Variants in TBC1D32 observed in about 807,000 individuals in gnomAD.
TBC1D32 encodes the protein protein broad-minded.
Under a neutral mutation model 170.3 loss-of-function variants are expected in TBC1D32, and 151 were observed. The ratio of observed to expected loss-of-function variants is 0.89; its 90% CI spans 0.78 to 1.01. The LOEUF is 1.01. Ranked by LOEUF, TBC1D32 falls within the 50% of genes least tolerant of loss-of-function variation. The probability of loss-of-function intolerance (pLI) is 0.00; values close to 1 mark genes in which losing one functional copy is unlikely to be tolerated. For missense variants in TBC1D32, 1,464 were observed against 1,457.1 expected, an observed-to-expected ratio of 1.00 and a Z score of -0.08; for synonymous variants, 498 against 488.0, an observed-to-expected ratio of 1.02 and a Z score of -0.27.
intron 10 of TBC1D32, among the ~76,000 whole-genome samples, chr6:121,297,206 G>A (rs1025138206): frequency 2.0e-5 from 3 of 152,038 alleles, no homozygotes; most frequent in Non-Finnish European, 4.4e-5. Flanking sequence ...GTCAAGTTGA[G>A]AGTATAATGA....
intron 15 of TBC1D32, among the ~76,000 whole-genome samples, chr6:121,276,527 G>A (rs1041329416): frequency 6.6e-6 from 1 of 151,770 alleles, no homozygotes; most frequent in Non-Finnish European, 1.5e-5. Flanking sequence ...CAAAAAAAGG[G>A]CAAAAAATAC....
At chr6:121,153,661 G>A (rs965253545) in intron 24 of TBC1D32, among the ~76,000 whole-genome samples, 3 of 152,128 alleles carry the variant, frequency 2.0e-5, no homozygotes, top group Non-Finnish European at 4.4e-5. Context: ...CCTGACTGGG[G>A]CTGCTGCCTT....
intron 24 of TBC1D32, among the ~76,000 whole-genome samples, chr6:121,152,933 A>C (rs1177464953): frequency 6.6e-6 from 1 of 152,074 alleles, no homozygotes; most frequent in African/African-American, 2.4e-5. Flanking sequence ...GCTTACTTGC[A>C]TTGGATTAGA....
intron 22 of TBC1D32, among the ~76,000 whole-genome samples, chr6:121,171,912 T>C (rs1385443835): frequency 6.6e-6 from 1 of 152,026 alleles, no homozygotes; most frequent in African/African-American, 2.4e-5. Context: ...AAACCAATCT[T>C]CCAGTAACAC....
rs539263123 is a variant in TBC1D32 at position 121,153,248 on chromosome 6, C to T, written c.2773+6762G>A. On this transcript the variant is annotated intron_variant, in intron 24 of 31. Coordinates refer to ENST00000398212, the MANE Select transcript of TBC1D32 (RefSeq NM_152730.6). ...TTTGTTAGTTTTCCTTCTAACAGAC[C>T]CCTCTTCTGCACATCTGCTGGAGTT... Among the ~76,000 whole-genome samples, 23 of 152,126 alleles carry T rather than the reference C, an allele frequency of 1.5e-4. No homozygotes were observed. The South Asian group carries it at 4.8e-3, about 32-fold the overall frequency.
chr6:121,300,141 T>G (rs1475453134), intron 9 of TBC1D32, among the ~76,000 whole-genome samples: 2 of 152,140 alleles, frequency 1.3e-5, no homozygotes, highest in East Asian at 3.9e-4. Context: ...TTTCTTCATT[T>G]CACTTAGGAA....
At chr6:121,278,451 A>G (rs1441775118) in intron 15 of TBC1D32, among the ~76,000 whole-genome samples, 3 of 152,144 alleles carry the variant, frequency 2.0e-5, no homozygotes, top group Non-Finnish European at 4.4e-5. Flanking sequence ...TTGAACATCA[A>G]TTAATGTAAT....
intron 20 of TBC1D32, among the ~76,000 whole-genome samples, chr6:121,238,484 T>C (rs1796579001): frequency 1.3e-5 from 2 of 152,130 alleles, no homozygotes; most frequent in Non-Finnish European, 1.5e-5. Context: ...ATCTTTTGAA[T>C]AAAAATTGTC....
At chr6:121,180,545 T>C (rs1788374449) in intron 22 of TBC1D32, among the ~76,000 whole-genome samples, 1 of 152,092 alleles carries the variant, frequency 6.6e-6, no homozygotes, top group Non-Finnish European at 1.5e-5. Context: ...AATATTCATA[T>C]GTAGAAGAAT....
Position 121,113,148 on chromosome 6 carries a change from T to A in TBC1D32, c.3083A>T (p.Asp1028Val), listed in dbSNP as rs1368629911. Reference sequence around the variant, plus strand: ...CCAGGTAAGATCATTTTCTGCACCATCTTTTAAGAGACTGAGGAATTTGCC... The same window carrying A: ...CCAGGTAAGATCATTTTCTGCACCAACTTTTAAGAGACTGAGGAATTTGCC... ...RYGKFLSLLK[D>V]GAENDLTWVL... The change falls in exon 28 of 32, where the codon GAT (aspartate) becomes GTT (valine). Residue 1028 changes from aspartate to valine, a missense_variant. By Grantham distance (152) the Asp-to-Val change is radical. Coordinates refer to ENST00000398212, the MANE Select transcript of TBC1D32 (RefSeq NM_152730.6). 6.2e-7 allele frequency: 1 copy of A among 1,610,826 alleles called. No homozygotes were observed. The highest frequency in any genetic ancestry group is 8.5e-7 in the Non-Finnish European group (1 of 1,178,850).
intron 4 of TBC1D32, among the ~76,000 whole-genome samples, chr6:121,308,686 CT>C (rs67847088): frequency 8.9e-6 from 1 of 112,540 alleles, no homozygotes; most frequent in African/African-American, 3.9e-5. Context: ...AAGCTTACTT[CT>C]TTTTTTTTTT....
At chr6:121,098,817 A>G (rs1777705469) in intron 30 of TBC1D32, among the ~76,000 whole-genome samples, 1 of 151,996 alleles carries the variant, frequency 6.6e-6, no homozygotes, top group Non-Finnish European at 1.5e-5. Flanking sequence ...CCATTTGGAC[A>G]TATATTAAAG....
intron 20 of TBC1D32, among the ~76,000 whole-genome samples, chr6:121,226,473 T>C (rs1795082162): frequency 6.6e-6 from 1 of 152,000 alleles, no homozygotes; most frequent in Admixed American, 6.6e-5. Flanking sequence ...AGAAAAGTAG[T>C]GGGAATTAAA....
Position 121,080,104 on chromosome 6 carries a change from T to G in TBC1D32, c.*667A>C, listed in dbSNP as rs1775497008. On this transcript the variant is annotated 3_prime_UTR_variant, in exon 32 of 32. Coordinates refer to ENST00000398212, the MANE Select transcript of TBC1D32 (RefSeq NM_152730.6). Reference sequence around the variant, plus strand: ...GAAGAAATACTGTCTTTTCCTTGTCTTATGGGCTTTCTGCAGCTAGTCAAA... The same window carrying G: ...GAAGAAATACTGTCTTTTCCTTGTCGTATGGGCTTTCTGCAGCTAGTCAAA... 1 of 152,488 alleles carries G rather than the reference T, an allele frequency of 6.6e-6. No individual in the cohort carries two copies. The highest frequency in any genetic ancestry group is 1.5e-5 in the Non-Finnish European group (1 of 68,218). 9.4% of individuals were successfully genotyped at this position (152,488 alleles called of 1,614,324 possible).
At chr6:121,211,972 A>G (rs530622066) in intron 21 of TBC1D32, among the ~76,000 whole-genome samples, 7 of 139,706 alleles carry the variant, frequency 5.0e-5, no homozygotes, top group Admixed American at 4.4e-4. Flanking sequence ...TCTGCTGAAT[A>G]AATAAATGAA....
chr6:121,087,056 G>T (rs973852272), intron 31 of TBC1D32, among the ~76,000 whole-genome samples: 2 of 152,142 alleles, frequency 1.3e-5, no homozygotes, highest in Non-Finnish European at 2.9e-5. Context: ...TTCAGAGGCT[G>T]CCTTCTAGCT....
At chr6:121,147,489 T>G (rs1172290302) in intron 24 of TBC1D32, among the ~76,000 whole-genome samples, 2 of 152,242 alleles carry the variant, frequency 1.3e-5, no homozygotes, top group Non-Finnish European at 2.9e-5. Flanking sequence ...TGTTATTTTT[T>G]GACTTTTAAA....
intron 15 of TBC1D32, among the ~76,000 whole-genome samples, chr6:121,269,826 A>T (rs1289858148): frequency 1.3e-5 from 2 of 152,152 alleles, no homozygotes; most frequent in African/African-American, 4.8e-5. Context: ...TCAGCACCAC[A>T]TTGCACTTAT....
At chr6:121,208,108 CA>C (rs796335160) in intron 21 of TBC1D32, among the ~76,000 whole-genome samples, 400 of 135,218 alleles carry the variant, frequency 3.0e-3, no homozygotes, top group Middle Eastern at 3.7e-3. Flanking sequence ...ACACACACAC[CA>C]AAAAAAAAAA....
Sources: allele counts gnomAD v4.1 joint callset (sites outside exome capture counted in the v4.1 genomes callset), GRCh38; gene constraint gnomAD v4.1.1; transcripts MANE v1.5; gene names NCBI Gene and HGNC (gene_info 2026-07-23, HGNC 2026-07-21).